Variants in RPGRIP1L observed in about 807,000 individuals in gnomAD.
RPGRIP1L encodes the protein RPGRIP1 like.
RPGRIP1L carries 131 observed loss-of-function variants against 160.4 expected under a neutral mutation model. The observed-to-expected ratio is 0.82, with a 90% CI of 0.71 to 0.94. The LOEUF (loss-of-function observed/expected upper bound fraction) is 0.94. Ranked by LOEUF, RPGRIP1L falls within the 40% of genes least tolerant of loss-of-function variation. The probability of loss-of-function intolerance (pLI) is 0.00; values close to 1 mark genes in which losing one functional copy is unlikely to be tolerated. For synonymous variants in RPGRIP1L, 510 were observed against 515.8 expected, an observed-to-expected ratio of 0.99 and a Z score of 0.15; for missense variants, 1,522 against 1,535.8, an observed-to-expected ratio of 0.99 and a Z score of 0.15.
chr16:53,643,479 A>C (rs1966368232), intron 17 of RPGRIP1L, among the ~76,000 whole-genome samples: 1 of 152,064 alleles, frequency 6.6e-6, no homozygotes, highest in African/African-American at 2.4e-5. Flanking sequence ...TTCGGAAAGT[A>C]AAAGCTGAGG....
intron 22 of RPGRIP1L, among the ~76,000 whole-genome samples, chr16:53,626,591 G>A (rs867303777): frequency 4.6e-5 from 7 of 152,208 alleles, no homozygotes; most frequent in African/African-American, 1.2e-4. Flanking sequence ...GATCACTTGA[G>A]ACCATGACTT....
chr16:53,698,454 C>A (rs1285300289), intron 2 of RPGRIP1L, among the ~76,000 whole-genome samples: 3 of 141,382 alleles, frequency 2.1e-5, no homozygotes, highest in Non-Finnish European at 3.1e-5. Flanking sequence ...AAGTGAGGGG[C>A]CTCTCTGCCC....
chr16:53,614,409 G>A (rs1394587159), intron 24 of RPGRIP1L, among the ~76,000 whole-genome samples: 2 of 152,212 alleles, frequency 1.3e-5, no homozygotes, highest in African/African-American at 4.8e-5. Flanking sequence ...TTCTGGTTCA[G>A]TAGCTCTGGG....
rs957470518 is a variant in RPGRIP1L, at chr16:53,620,380, A to G, written c.3433-1172T>C. Among the ~76,000 whole-genome samples the G allele has an allele frequency of 6.6e-5, 10 of 152,296 alleles. No homozygotes were observed. In the East Asian group the frequency reaches 1.7e-3, roughly 26 times the overall value. Reference sequence around the variant, plus strand: ...TTTCTTTTATTATGTATTCTAAGACACTTTAACTAAAAACCCAAATCTGAA... The same window carrying G: ...TTTCTTTTATTATGTATTCTAAGACGCTTTAACTAAAAACCCAAATCTGAA... On this transcript the variant is annotated intron_variant, in intron 23 of 26. Transcript: ENST00000647211.
chr16:53,698,448 G>C (rs1306698875), intron 2 of RPGRIP1L, among the ~76,000 whole-genome samples: 114 of 148,374 alleles, frequency 7.7e-4, no homozygotes, highest in Admixed American at 3.0e-3. Flanking sequence ...ACTGGGAAGT[G>C]AGGGGCCTCT....
intron 6 of RPGRIP1L, among the ~76,000 whole-genome samples, chr16:53,682,256 A>C (rs1334718138): frequency 6.6e-6 from 1 of 152,174 alleles, no homozygotes; most frequent in Non-Finnish European, 1.5e-5. Context: ...GGTCTCTGCA[A>C]TAAAAGTTCC....
intron 10 of RPGRIP1L, among the ~76,000 whole-genome samples, chr16:53,662,362 A>G (rs1967875528): frequency 6.6e-6 from 1 of 152,162 alleles, no homozygotes; most frequent in African/African-American, 2.4e-5. Context: ...CCAAATGCAA[A>G]CTGCATTTAC....
At chr16:53,647,076 A>C (rs186204104) in intron 16 of RPGRIP1L, among the ~76,000 whole-genome samples, 1 of 152,290 alleles carries the variant, frequency 6.6e-6, no homozygotes, top group East Asian at 1.9e-4. Context: ...GAGTCTAAAA[A>C]GCTTTAAACT....
intron 7 of RPGRIP1L, among the ~76,000 whole-genome samples, chr16:53,674,391 G>C (rs987625289): frequency 6.6e-6 from 1 of 152,076 alleles, no homozygotes; most frequent in Non-Finnish European, 1.5e-5. Context: ...ACAAATAGAA[G>C]CCCTCAGATG....
intron 8 of RPGRIP1L, among the ~76,000 whole-genome samples, chr16:53,672,315 T>C (rs1968800451): frequency 6.6e-6 from 1 of 151,364 alleles, no homozygotes; most frequent in Non-Finnish European, 1.5e-5. Context: ...GATGCTAGTA[T>C]GAGACAGTAA....
At chr16:53,602,715 G>A (rs533993281) in intron 26 of RPGRIP1L, among the ~76,000 whole-genome samples, 9 of 151,976 alleles carry the variant, frequency 5.9e-5, no homozygotes, top group Admixed American at 2.0e-4. Context: ...TGGAGGTTGC[G>A]GTGAGCCGAG....
At chr16:53,605,734 T>C (rs1963641258) in intron 25 of RPGRIP1L, 120 bp from the exon 26 acceptor site, 2 of 1,019,520 alleles carry the variant, frequency 2.0e-6, no homozygotes, top group Admixed American at 1.9e-5. Flanking sequence ...ATTATCCCAA[T>C]AAAAAGAAAG....
chr16:53,622,711 C>T (rs1189467284), intron 22 of RPGRIP1L, among the ~76,000 whole-genome samples: 1 of 151,816 alleles, frequency 6.6e-6, no homozygotes, highest in Non-Finnish European at 1.5e-5. Flanking sequence ...ATTGCTTAAG[C>T]CCAGGAGCCC....
intron 2 of RPGRIP1L, among the ~76,000 whole-genome samples, chr16:53,698,558 C>A (rs1463184780): frequency 6.8e-6 from 1 of 146,452 alleles, no homozygotes; most frequent in African/African-American, 2.6e-5. Context: ...GTCAGCCCCC[C>A]GCCCGGCCAG....
chr16:53,616,176 C>A (rs996038640), intron 24 of RPGRIP1L, among the ~76,000 whole-genome samples: 1 of 152,092 alleles, frequency 6.6e-6, no homozygotes, highest in African/African-American at 2.4e-5. Flanking sequence ...ATTAAAAAGT[C>A]AGTTTGGAAA....
At chr16:53,698,667 T>TG (rs1471025139) in intron 2 of RPGRIP1L, among the ~76,000 whole-genome samples, 5 of 86,142 alleles carry the variant, frequency 5.8e-5, no homozygotes, top group South Asian at 4.3e-4. Context: ...GGGAGGGAGG[T>TG]GGGGGGGTCA....
intron 6 of RPGRIP1L, among the ~76,000 whole-genome samples, chr16:53,681,075 T>C (rs1396178606): frequency 6.6e-6 from 1 of 152,178 alleles, no homozygotes; most frequent in Non-Finnish European, 1.5e-5. Context: ...CCTAGAGTGC[T>C]AGAAAGTAAT....
rs2150964847 is a variant in RPGRIP1L, at chr16:53,619,204, GATGGCTGTTTA to G, written c.3433-7_3436del. ...TATGATCTCAATCCGAATTTTTTCT[GATGGCTGTTTA>G]AAGAGCAAAAACAAAAAACAACAAA... On this transcript the variant is annotated splice_acceptor_variant and splice_polypyrimidine_tract_variant and coding_sequence_variant and intron_variant, in exon 24 of 27. Coordinates refer to ENST00000647211, the MANE Select transcript of RPGRIP1L (RefSeq NM_015272.5). LOFTEE classifies it high-confidence loss of function. The G allele has an allele frequency of 1.2e-6, 2 of 1,612,930 alleles. No individual in the cohort carries two copies. The highest frequency in any genetic ancestry group is 3.3e-5 in the Admixed American group (2 of 60,004).
In RPGRIP1L at chr16:53,641,346, C is replaced by G. The variant is rs770732397; in HGVS notation, c.2813G>C (p.Ser938Thr). 1.2e-6 allele frequency: 2 copies of G among 1,613,964 alleles called. No individual in the cohort carries two copies. The highest frequency in any genetic ancestry group is 1.7e-6 in the Non-Finnish European group (2 of 1,179,998). ...TTEDLGNFIR[S>T]EEPEVVQRLP... ...TCTTTGAACAACTTCTGGCTCTTCG[C>G]TGCGAATGAAATTTCCTAAGTCTTC... The change falls in exon 18 of 27, where the codon AGC (serine) becomes ACC (threonine). Residue 938 changes from serine (S) to threonine (T), a missense_variant. Coordinates refer to ENST00000647211, the MANE Select transcript of RPGRIP1L (RefSeq NM_015272.5).
Sources: gnomAD v4.1 joint callset for allele counts (sites outside exome capture counted in the v4.1 genomes callset) on GRCh38, gnomAD v4.1.1 for gene constraint, MANE v1.5 for transcripts, NCBI Gene and HGNC (gene_info 2026-07-23, HGNC 2026-07-21) for gene names.